The following GRIA1 variants were observed in gnomAD, a reference collection of about 807,000 sequenced individuals.
GRIA1 encodes glutamate receptor 1.
Under a neutral mutation model 99.2 loss-of-function variants are expected in GRIA1, and 31 were observed. The ratio of observed to expected loss-of-function variants is 0.31; its 90% CI spans 0.23 to 0.42. The LOEUF is 0.42. Among genes scored for constraint, GRIA1 ranks in the 10% least tolerant of loss-of-function variants. The pLI is 1.00. For missense variants in GRIA1, 782 were observed against 1,157.5 expected, an observed-to-expected ratio of 0.68 and a Z score of 4.71; for synonymous variants, 438 against 432.4, an observed-to-expected ratio of 1.01 and a Z score of -0.16.
At chr5:153,545,277 G>A (rs995746620) in intron 2 of GRIA1, among the ~76,000 whole-genome samples, 1 of 152,182 alleles carries the variant, frequency 6.6e-6, no homozygotes, top group African/African-American at 2.4e-5. Context: ...TGATAGTTCA[G>A]TATAACTGGG....
At chr5:153,630,335 C>G (rs1752854214) in intron 2 of GRIA1, among the ~76,000 whole-genome samples, 2 of 152,084 alleles carry the variant, frequency 1.3e-5, no homozygotes, top group African/African-American at 4.8e-5. Context: ...GATCCCCTTT[C>G]TTTTCTTAGA....
intron 13 of GRIA1, among the ~76,000 whole-genome samples, chr5:153,779,050 A>G (rs1229332480): frequency 6.6e-6 from 1 of 152,160 alleles, no homozygotes; most frequent in Non-Finnish European, 1.5e-5. Context: ...GCAATGTAAA[A>G]CAGGTCATTT....
chr5:153,505,881 G>T (rs1318614373), intron 2 of GRIA1, among the ~76,000 whole-genome samples: 1 of 152,212 alleles, frequency 6.6e-6, no homozygotes, highest in Non-Finnish European at 1.5e-5. Flanking sequence ...CACCTTTAAA[G>T]TAAGTGGTCA....
intron 2 of GRIA1, among the ~76,000 whole-genome samples, chr5:153,633,445 A>G (rs892081365): frequency 2.6e-5 from 4 of 152,176 alleles, no homozygotes; most frequent in Non-Finnish European, 4.4e-5. Flanking sequence ...GAAACTTTGA[A>G]AAGCGATTCA....
chr5:153,699,629 A>C (rs1758367735), intron 10 of GRIA1, among the ~76,000 whole-genome samples: 1 of 152,006 alleles, frequency 6.6e-6, no homozygotes, highest in Non-Finnish European at 1.5e-5. Context: ...TCTTCTCATA[A>C]TAGGTATGAA....
chr5:153,512,600 G>A (rs774068066), intron 2 of GRIA1, among the ~76,000 whole-genome samples: 11 of 152,164 alleles, frequency 7.2e-5, no homozygotes, highest in Non-Finnish European at 1.2e-4. Context: ...TCTCTAGTCT[G>A]CAAACCTCCC....
chr5:153,629,329 C>G (rs976365479), intron 2 of GRIA1, among the ~76,000 whole-genome samples: 1 of 152,226 alleles, frequency 6.6e-6, no homozygotes, highest in African/African-American at 2.4e-5. Context: ...GGGGCCTTCA[C>G]AGCTTGCAGC....
At chr5:153,702,479 G>A (rs1758597631) in intron 10 of GRIA1, among the ~76,000 whole-genome samples, 1 of 152,240 alleles carries the variant, frequency 6.6e-6, no homozygotes, top group Non-Finnish European at 1.5e-5. Context: ...CTGGCTCAGA[G>A]CAGATCTCCA....
intron 2 of GRIA1, among the ~76,000 whole-genome samples, chr5:153,592,985 G>T (rs1047446601): frequency 2.6e-5 from 4 of 152,160 alleles, no homozygotes; most frequent in African/African-American, 9.7e-5. Context: ...CTGATTAACT[G>T]CCAGGCGCAG....
chr5:153,613,818 G>A (rs753961909), intron 2 of GRIA1, among the ~76,000 whole-genome samples: 2 of 152,054 alleles, frequency 1.3e-5, no homozygotes, highest in African/African-American at 2.4e-5. Context: ...AAATCAACAG[G>A]CCAGAAAGGA....
chr5:153,719,574 G>A lies in GRIA1; in HGVS notation c.1823+13507G>A, dbSNP rs921360863. ...CTGTGGGCTTCCTCACAGCACGATG[G>A]CTGGGTTCCAAGAACAAGTGTCCCA... On this transcript the variant is annotated intron_variant, in intron 11 of 15. Transcript: ENST00000285900. 5.9e-5 allele frequency among the ~76,000 whole-genome samples: 9 copies of A among 151,934 alleles called. No individual in the cohort carries two copies. The East Asian group carries it at 1.7e-3, about 29-fold the overall frequency.
At position 153,607,042 on chromosome 5, in the gene GRIA1, G is replaced by GATATATATAT. The variant is rs59233877; in HGVS notation, c.221-39868_221-39859dup. 9.8e-3 allele frequency among the ~76,000 whole-genome samples: 1,249 copies of GATATATATAT among 127,710 alleles called. 15 individuals carry two copies. Among genetic ancestry groups the GATATATATAT allele is most frequent in the Non-Finnish European group, 0.015 (875 of 59,428 alleles). The allele number at this position is 127,710 out of a possible 152,430, so 83.8% of individuals were successfully genotyped here. On this transcript the variant is annotated intron_variant, in intron 2 of 15. Transcript: ENST00000285900. The stretch of plus-strand genomic sequence containing the variant: ...AGAATGATATAAACATATCACAAAA[G>GATATATATAT]ATATATATATATATATATATATATA...
At chr5:153,746,263 A>AGTT (rs1390857130) in intron 11 of GRIA1, among the ~76,000 whole-genome samples, 1 of 152,170 alleles carries the variant, frequency 6.6e-6, no homozygotes, top group Admixed American at 6.5e-5. Flanking sequence ...CTGCTAGCTC[A>AGTT]GTTGGGGATA....
chr5:153,632,556 T>G (rs1399913435), intron 2 of GRIA1, among the ~76,000 whole-genome samples: 1 of 152,198 alleles, frequency 6.6e-6, no homozygotes, highest in East Asian at 1.9e-4. Context: ...CCACCTCATA[T>G]TTGGGTTATG....
intron 5 of GRIA1, among the ~76,000 whole-genome samples, chr5:153,659,438 G>C (rs10039178): frequency 0.026 from 4,009 of 152,232 alleles, 198 homozygotes; most frequent in African/African-American, 0.092. Flanking sequence ...GCTGAGCCTG[G>C]CTGCCAGTGG....
At chr5:153,715,228 G>T (rs1280482782) in intron 11 of GRIA1, among the ~76,000 whole-genome samples, 1 of 151,922 alleles carries the variant, frequency 6.6e-6, no homozygotes, top group Non-Finnish European at 1.5e-5. Flanking sequence ...CTTAGCCAAG[G>T]CTCCAACCAA....
intron 12 of GRIA1, among the ~76,000 whole-genome samples, chr5:153,764,993 C>A (rs1004872721): frequency 2.6e-5 from 4 of 152,222 alleles, no homozygotes; most frequent in Admixed American, 2.0e-4. Context: ...ACAGCTGGAC[C>A]TGATGCTCTT....
At chr5:153,709,813 A>C (rs1418752679) in intron 11 of GRIA1, among the ~76,000 whole-genome samples, 2 of 152,212 alleles carry the variant, frequency 1.3e-5, no homozygotes, top group Non-Finnish European at 2.9e-5. Context: ...TGGTCAGGAC[A>C]GTGGCCATGA....
At chr5:153,639,003 C>A (rs1753592795) in intron 2 of GRIA1, among the ~76,000 whole-genome samples, 1 of 152,160 alleles carries the variant, frequency 6.6e-6, no homozygotes, top group Admixed American at 6.5e-5. Context: ...GAGCCTACGG[C>A]CGAGAAACAA....
Sources: gnomAD v4.1 joint callset for allele counts (sites outside exome capture counted in the v4.1 genomes callset) on GRCh38, gnomAD v4.1.1 for gene constraint, MANE v1.5 for transcripts, NCBI Gene and HGNC (gene_info 2026-07-23, HGNC 2026-07-21) for gene names.